Variants in LIN54 observed in about 807,000 individuals in gnomAD.
LIN54 encodes protein lin-54 homolog.
A neutral mutation model predicts 78.7 loss-of-function variants in LIN54; 9 were observed. The observed-to-expected ratio is 0.11, with a 90% CI of 0.07 to 0.20. The LOEUF (loss-of-function observed/expected upper bound fraction) is 0.20, where lower values mean the gene tolerates loss of function less well. LIN54 is among the 10% of genes least tolerant of loss of function. LIN54 has a pLI of 1.00. For missense variants in LIN54, 573 were observed against 889.9 expected (o/e 0.64, Z 4.53); for synonymous variants, 269 against 318.4 (o/e 0.84, Z 1.65).
At chr4:82,933,872 G>T (rs1021003781) in intron 11 of LIN54, among the ~76,000 whole-genome samples, 1 of 152,148 alleles carries the variant, frequency 6.6e-6, no homozygotes, top group Non-Finnish European at 1.5e-5. Context: ...TGCCCAGCAT[G>T]TATTGATTTT....
chr4:82,928,045 T>C lies in LIN54; in HGVS notation c.*57A>G. On this transcript the variant is annotated 3_prime_UTR_variant, in exon 13 of 13. Coordinates refer to ENST00000340417, the MANE Select transcript of LIN54 (RefSeq NM_194282.4). ...ATTGTTTTTCTTCCAGAAAATCAAG[T>C]GTCCCTGCACCTTAAATTTTCTGTA... 7.2e-7 allele frequency: 1 copy of C among 1,393,846 alleles called. No homozygotes were observed. The allele number at this position is 1,393,846 out of a possible 1,614,324, so 86.3% of individuals were successfully genotyped here.
intron 8 of LIN54, 140 bp downstream of exon 8, chr4:82,938,273 A>G (rs1039667186): frequency 1.5e-5 from 8 of 534,346 alleles, no homozygotes; most frequent in Non-Finnish European, 2.3e-5. Flanking sequence ...TGTTTGAAAT[A>G]TTTCAACAAG....
At chr4:83,011,510 T>C (rs151191452), upstream of LIN54, among the ~76,000 whole-genome samples, 16 of 152,160 alleles carry the variant, frequency 1.1e-4, no homozygotes, top group African/African-American at 3.4e-4. Flanking sequence ...CATTCATGAA[T>C]GATCGATTTC....
At chr4:83,002,695 G>C (rs1728975275) in intron 1 of LIN54, among the ~76,000 whole-genome samples, 1 of 152,074 alleles carries the variant, frequency 6.6e-6, no homozygotes, top group African/African-American at 2.4e-5. Context: ...TTCAGTTCAT[G>C]AACAGTAACT....
chr4:82,982,642 G>A (rs1726772234), intron 2 of LIN54, among the ~76,000 whole-genome samples: 1 of 152,182 alleles, frequency 6.6e-6, no homozygotes, highest in African/African-American at 2.4e-5. Flanking sequence ...ATGGTGATAA[G>A]ATATCTCATC....
intron 5 of LIN54, chr4:82,944,653 T>C (rs1031476793): frequency 1.3e-5 from 2 of 152,170 alleles, no homozygotes; most frequent in Admixed American, 1.3e-4. Flanking sequence ...ATAAATAGGT[T>C]TTATTCTTCT....
chr4:82,963,954 A>G (rs568592899), intron 4 of LIN54, among the ~76,000 whole-genome samples: 17 of 152,306 alleles, frequency 1.1e-4, no homozygotes, highest in Admixed American at 2.0e-4. Flanking sequence ...ATAGTTCCAT[A>G]GTAAATGCCT....
At chr4:82,933,199 A>G (rs1015623142) in intron 11 of LIN54, among the ~76,000 whole-genome samples, 3 of 151,368 alleles carry the variant, frequency 2.0e-5, no homozygotes, top group Middle Eastern at 3.2e-3. Flanking sequence ...TCCTGACCTC[A>G]GAGTGGGGAA....
At chr4:83,007,975 T>C (rs181645713) in intron 1 of LIN54, among the ~76,000 whole-genome samples, 10 of 152,306 alleles carry the variant, frequency 6.6e-5, no homozygotes, top group Admixed American at 5.9e-4. Flanking sequence ...TAATCTGTCA[T>C]ATATCATGCA....
intron 11 of LIN54, among the ~76,000 whole-genome samples, chr4:82,933,250 T>C (rs1427154244): frequency 6.7e-6 from 1 of 150,290 alleles, no homozygotes. Context: ...TATATATATA[T>C]ATATTTGTTT....
intron 5 of LIN54, among the ~76,000 whole-genome samples, chr4:82,940,446 G>T (rs556949569): frequency 1.3e-5 from 2 of 152,152 alleles, no homozygotes; most frequent in East Asian, 3.9e-4. Context: ...AGGCTGGAGT[G>T]TAGTGGTGCA....
intron 4 of LIN54, among the ~76,000 whole-genome samples, chr4:82,947,967 T>C (rs1723540184): frequency 6.6e-6 from 1 of 152,066 alleles, no homozygotes; most frequent in South Asian, 2.1e-4. Flanking sequence ...TTCAGAAACA[T>C]TATAAAAGAC....
At chr4:83,009,360 T>G (rs951415364) in intron 1 of LIN54, among the ~76,000 whole-genome samples, 1 of 152,216 alleles carries the variant, frequency 6.6e-6, no homozygotes, top group South Asian at 2.1e-4. Context: ...TCATAAACAT[T>G]ACCCATGGGC....
intron 1 of LIN54, among the ~76,000 whole-genome samples, chr4:82,987,780 C>T (rs913715863): frequency 6.6e-6 from 1 of 152,170 alleles, no homozygotes; most frequent in Non-Finnish European, 1.5e-5. Flanking sequence ...CAGTCTATCA[C>T]TGATGGGCAT....
chr4:82,977,115 A>G (rs1200348033), intron 3 of LIN54, among the ~76,000 whole-genome samples: 1 of 152,136 alleles, frequency 6.6e-6, no homozygotes, highest in Non-Finnish European at 1.5e-5. Flanking sequence ...GAACACCACA[A>G]TTGTTTACCA....
At chr4:82,961,209 G>T (rs1007930996) in intron 4 of LIN54, among the ~76,000 whole-genome samples, 1 of 152,106 alleles carries the variant, frequency 6.6e-6, no homozygotes, top group African/African-American at 2.4e-5. Context: ...TTTAACAAAA[G>T]ATGATTAATA....
chr4:82,989,799 G>T (rs1235904415), intron 1 of LIN54, among the ~76,000 whole-genome samples: 1 of 152,150 alleles, frequency 6.6e-6, no homozygotes, highest in East Asian at 1.9e-4. Flanking sequence ...AACCCCTGCA[G>T]CTCAACCAAA....
chr4:82,987,348 C>T (rs376874868), intron 1 of LIN54, among the ~76,000 whole-genome samples: 31 of 152,214 alleles, frequency 2.0e-4, no homozygotes, highest in African/African-American at 7.0e-4. Context: ...ATTATACTCC[C>T]TTAAATGTTG....
chr4:82,948,245 A>G (rs1328294882), intron 4 of LIN54, among the ~76,000 whole-genome samples: 1 of 152,222 alleles, frequency 6.6e-6, no homozygotes, highest in Non-Finnish European at 1.5e-5. Flanking sequence ...TGCTTGAAAC[A>G]TAATAGTTAC....
Sources: gnomAD v4.1 joint callset for allele counts (sites outside exome capture counted in the v4.1 genomes callset) on GRCh38, gnomAD v4.1.1 for gene constraint, MANE v1.5 for transcripts, NCBI Gene and HGNC (gene_info 2026-07-23, HGNC 2026-07-21) for gene names.